Variants in PTPRQ observed in about 807,000 individuals in gnomAD.
PTPRQ encodes phosphatidylinositol phosphatase PTPRQ.
Under a neutral mutation model 246.0 loss-of-function variants are expected in PTPRQ, and 199 were observed. The ratio of observed to expected loss-of-function variants is 0.81; its 90% confidence interval spans 0.72 to 0.91. The LOEUF (loss-of-function observed/expected upper bound fraction) is 0.91, where lower values mean the gene tolerates loss of function less well. Among genes scored for constraint, PTPRQ ranks in the 40% least tolerant of loss-of-function variants. The probability of loss-of-function intolerance (pLI) is 0.00; values close to 1 mark genes in which losing one functional copy is unlikely to be tolerated. For synonymous variants in PTPRQ, 869 were observed against 853.2 expected, an observed-to-expected ratio of 1.02 and a Z score of -0.32; for missense variants, 2,624 against 2,528.4, an observed-to-expected ratio of 1.04 and a Z score of -0.81.
At chr12:80,533,313 C>G (rs576071376) in intron 17 of PTPRQ, among the ~76,000 whole-genome samples, 1 of 151,796 alleles carries the variant, frequency 6.6e-6, no homozygotes, top group South Asian at 2.1e-4. Flanking sequence ...ACTCTTTTTT[C>G]CCTTCCTGAG....
intron 1 of PTPRQ, 76 bp from the exon 2 acceptor site, chr12:80,444,665 A>G (rs1892498392): frequency 2.8e-6 from 3 of 1,060,236 alleles, no homozygotes; most frequent in South Asian, 2.7e-5. Flanking sequence ...AATTTTTGTT[A>G]TAGTGATAGA....
chr12:80,679,029 C>T lies in PTPRQ; in HGVS notation c.*6C>T. 1 of 1,546,364 alleles carries T rather than the reference C, an allele frequency of 6.5e-7. No individual in the cohort carries two copies. Among genetic ancestry groups the T allele is most frequent in the Non-Finnish European group, 8.7e-7 (1 of 1,144,682 alleles). Reference sequence around the variant, plus strand: ...GGGAAGAAACCACTATGTAAATATTCAGACCAAAGGATACAATTGGAAGAG... The same window carrying T: ...GGGAAGAAACCACTATGTAAATATTTAGACCAAAGGATACAATTGGAAGAG... On this transcript the variant is annotated 3_prime_UTR_variant, in exon 45 of 45. Transcript: ENST00000644991.
intron 33 of PTPRQ, among the ~76,000 whole-genome samples, chr12:80,622,650 G>A (rs1899039535): frequency 6.6e-6 from 1 of 152,014 alleles, no homozygotes; most frequent in Non-Finnish European, 1.5e-5. Flanking sequence ...AAGTGGCTAG[G>A]CCAGGATTCC....
Position 80,586,172 on chromosome 12 carries a change from G to A in PTPRQ, c.4286-1957G>A, listed in dbSNP as rs144025057. ...GGGTTGGTTCCAAGTCTTTGCTATCGTGAATAATGCCGCAATAAACACACA... is the reference window on the plus strand; with the variant it reads ...GGGTTGGTTCCAAGTCTTTGCTATCATGAATAATGCCGCAATAAACACACA... On this transcript the variant is annotated intron_variant, in intron 25 of 44. Coordinates refer to ENST00000644991, the MANE Select transcript of PTPRQ (RefSeq NM_001145026.2). 4.9e-3 allele frequency among the ~76,000 whole-genome samples: 737 copies of A among 151,804 alleles called. 6 individuals carry two copies. The highest frequency in any genetic ancestry group is 0.016 in the African/African-American group (675 of 41,350).
intron 39 of PTPRQ, among the ~76,000 whole-genome samples, chr12:80,662,611 A>G (rs943040361): frequency 6.6e-6 from 1 of 152,006 alleles, no homozygotes; most frequent in Non-Finnish European, 1.5e-5. Context: ...CATTGGAAGC[A>G]TTTAATAAAT....
At chr12:80,611,737 T>G (rs1365585152) in intron 28 of PTPRQ, among the ~76,000 whole-genome samples, 1 of 150,404 alleles carries the variant, frequency 6.6e-6, no homozygotes, top group Non-Finnish European at 1.5e-5. Flanking sequence ...CTAGGAAATT[T>G]TTTACAACAT....
At position 80,456,881 on chromosome 12, in the gene PTPRQ, A is replaced by G. The variant is rs73145112; in HGVS notation, c.391-694A>G. 3.1e-3 allele frequency among the ~76,000 whole-genome samples: 470 copies of G among 152,278 alleles called. 1 individual carries two copies. The highest frequency in any genetic ancestry group is 5.2e-3 in the Admixed American group (79 of 15,296). ...ATACATTATTATTCCCATTTTAAAGACAAGATAAATGTTACTTACAACAGT... is the reference window on the plus strand; with the variant it reads ...ATACATTATTATTCCCATTTTAAAGGCAAGATAAATGTTACTTACAACAGT... On this transcript the variant is annotated intron_variant, in intron 3 of 44. Transcript: ENST00000644991.
intron 26 of PTPRQ, among the ~76,000 whole-genome samples, chr12:80,604,062 T>TGCTAGATTATGAGTTATTTGAGGA: frequency 6.6e-6 from 1 of 151,744 alleles, no homozygotes; most frequent in South Asian, 2.1e-4. Flanking sequence ...CTTGTATTCT[T>TGCTAGATTATGAGTTATTTGAGGA]GCTAGATTAT....
At chr12:80,482,222 A>G (rs1437379099) in intron 8 of PTPRQ, among the ~76,000 whole-genome samples, 1 of 149,686 alleles carries the variant, frequency 6.7e-6, no homozygotes, top group Non-Finnish European at 1.5e-5. Context: ...ATAACGCCGC[A>G]TATCTACAAC....
intron 41 of PTPRQ, 132 bp downstream of exon 41, chr12:80,669,596 T>C: frequency 7.8e-7 from 1 of 1,281,296 alleles, no homozygotes; most frequent in Non-Finnish European, 1.0e-6. Flanking sequence ...TTGTATTGTC[T>C]TCTGAACAGA....
chr12:80,672,481 A>AATT (rs1901000997), intron 42 of PTPRQ, among the ~76,000 whole-genome samples: 1 of 151,738 alleles, frequency 6.6e-6, no homozygotes, highest in African/African-American at 2.4e-5. Context: ...AACTTTCAAA[A>AATT]ATTTTTTTCG....
At chr12:80,621,432 A>G (rs17007003) in intron 32 of PTPRQ, among the ~76,000 whole-genome samples, 2,292 of 152,004 alleles carry the variant, frequency 0.015, 58 homozygotes, top group African/African-American at 0.052. Context: ...TATGTTTTTA[A>G]ATGCCCTTGT....
chr12:80,508,753 A>AT (rs1021132747), intron 16 of PTPRQ, among the ~76,000 whole-genome samples: 7 of 152,190 alleles, frequency 4.6e-5, no homozygotes, highest in South Asian at 4.1e-4. Context: ...ATGTACAGTG[A>AT]TTTTTTTAGA....
chr12:80,555,870 A>G (rs1181385823), intron 25 of PTPRQ, among the ~76,000 whole-genome samples: 1 of 152,176 alleles, frequency 6.6e-6, no homozygotes, highest in Non-Finnish European at 1.5e-5. Flanking sequence ...TGCTATGTTC[A>G]GGTTCTAGGT....
intron 24 of PTPRQ, 187 bp downstream of exon 24, chr12:80,546,884 A>G (rs1896323949): frequency 1.7e-6 from 1 of 571,752 alleles, no homozygotes; most frequent in African/African-American, 2.0e-5. Flanking sequence ...TTATACATAT[A>G]TTTTCACACA....
At chr12:80,487,095 T>A (rs1894301677) in intron 9 of PTPRQ, among the ~76,000 whole-genome samples, 1 of 152,112 alleles carries the variant, frequency 6.6e-6, no homozygotes, top group African/African-American at 2.4e-5. Context: ...AATCACTGCT[T>A]CCTATTTGTC....
chr12:80,608,436 C>T (rs887341831), intron 27 of PTPRQ, among the ~76,000 whole-genome samples: 2 of 149,420 alleles, frequency 1.3e-5, no homozygotes, highest in Non-Finnish European at 3.0e-5. Flanking sequence ...ACCGAGAATT[C>T]CTTTCAAATT....
intron 25 of PTPRQ, among the ~76,000 whole-genome samples, 192 bp downstream of exon 25, chr12:80,549,926 T>C (rs938300361): frequency 2.0e-5 from 3 of 152,094 alleles, no homozygotes; most frequent in African/African-American, 7.2e-5. Context: ...CTCCAAAACA[T>C]TGGGAGATTG....
At chr12:80,463,152 C>G (rs546785557) in intron 6 of PTPRQ, among the ~76,000 whole-genome samples, 18 of 152,092 alleles carry the variant, frequency 1.2e-4, no homozygotes, top group South Asian at 4.2e-4. Context: ...CTAGAATAAC[C>G]AATACAGAGA....
Sources: allele counts gnomAD v4.1 joint callset (sites outside exome capture counted in the v4.1 genomes callset), GRCh38; gene constraint gnomAD v4.1.1; transcripts MANE v1.5; gene names NCBI Gene and HGNC (gene_info 2026-07-23, HGNC 2026-07-21).